The following TMEM45A variants were observed in gnomAD, a reference collection of about 807,000 sequenced individuals.
TMEM45A encodes DNA polymerase-transactivated protein 4.
A neutral mutation model predicts 32.0 loss-of-function variants in TMEM45A; 25 were observed. The ratio of observed to expected loss-of-function variants is 0.78; its 90% CI spans 0.57 to 1.09. The LOEUF is 1.09. Among genes scored for constraint, TMEM45A ranks in the 50% least tolerant of loss-of-function variants. The pLI, the probability that TMEM45A is intolerant of heterozygous loss-of-function variation, is 0.00. For missense variants in TMEM45A, 302 were observed against 325.0 expected, an observed-to-expected ratio of 0.93 and a Z score of 0.54; for synonymous variants, 122 against 114.8, an observed-to-expected ratio of 1.06 and a Z score of -0.40.
intron 1 of TMEM45A, among the ~76,000 whole-genome samples, chr3:100,532,969 AC>A (rs751929849): frequency 2.0e-5 from 3 of 152,180 alleles, no homozygotes; most frequent in Admixed American, 1.3e-4. Flanking sequence ...TTCTGTGACA[AC>A]ACTATTGTGA....
intron 1 of TMEM45A, chr3:100,519,551 A>G: frequency 6.4e-7 from 1 of 1,550,948 alleles, no homozygotes; most frequent in East Asian, 2.4e-5. Context: ...TGCCTGATCT[A>G]CTGAGACCAA....
chr3:100,503,064 TCTCCTC>T (rs897806635), intron 1 of TMEM45A, among the ~76,000 whole-genome samples: 4 of 150,688 alleles, frequency 2.7e-5, no homozygotes, highest in African/African-American at 9.8e-5. Flanking sequence ...CTCTCTTTCT[TCTCCTC>T]CTCCTCCTCC....
intron 1 of TMEM45A, among the ~76,000 whole-genome samples, chr3:100,525,658 C>T (rs1293124250): frequency 1.3e-5 from 2 of 152,144 alleles, no homozygotes; most frequent in Non-Finnish European, 2.9e-5. Flanking sequence ...GAGTTTCCAG[C>T]CAAAAGTGGA....
chr3:100,557,031 C>A, intron 3 of TMEM45A, 59 bp downstream of exon 3: 1 of 1,533,178 alleles, frequency 6.5e-7, no homozygotes, highest in South Asian at 1.1e-5. Flanking sequence ...TTATGTAGCC[C>A]TTCATATTAA....
At chr3:100,571,945 C>G (rs932614088) in intron 5 of TMEM45A, 1 of 152,204 alleles carries the variant, frequency 6.6e-6, no homozygotes, top group African/African-American at 2.4e-5. Context: ...TTTTTTATGG[C>G]TGCATAGTAT....
intron 1 of TMEM45A, among the ~76,000 whole-genome samples, chr3:100,549,649 T>C (rs1288472368): frequency 6.6e-6 from 1 of 152,194 alleles, no homozygotes; most frequent in East Asian, 1.9e-4. Flanking sequence ...GCACATTGGT[T>C]TAATCTCAAA....
chr3:100,510,155 C>G (rs1708136352), intron 1 of TMEM45A, among the ~76,000 whole-genome samples: 1 of 152,242 alleles, frequency 6.6e-6, no homozygotes, highest in South Asian at 2.1e-4. Flanking sequence ...TAGGCTCCAC[C>G]TCTGGGGGCA....
At chr3:100,567,322 A>G (rs551995381) in intron 4 of TMEM45A, among the ~76,000 whole-genome samples, 2 of 152,076 alleles carry the variant, frequency 1.3e-5, no homozygotes, top group South Asian at 4.1e-4. Context: ...CCTCAGACAT[A>G]TGAGTTTATT....
chr3:100,574,907 A>T (rs1025978583), intron 5 of TMEM45A, among the ~76,000 whole-genome samples: 1 of 152,214 alleles, frequency 6.6e-6, no homozygotes, highest in Non-Finnish European at 1.5e-5. Flanking sequence ...ACCAAGGGTT[A>T]AATTTTCTGA....
intron 1 of TMEM45A, among the ~76,000 whole-genome samples, chr3:100,525,835 A>C (rs537879329): frequency 1.8e-4 from 27 of 152,312 alleles, no homozygotes; most frequent in African/African-American, 6.3e-4. Flanking sequence ...TCTAGGCTAC[A>C]GGGATGCGAC....
intron 1 of TMEM45A, among the ~76,000 whole-genome samples, chr3:100,532,731 T>C (rs1705668331): frequency 6.6e-6 from 1 of 152,154 alleles, no homozygotes; most frequent in Non-Finnish European, 1.5e-5. Context: ...GTTTAGAGAT[T>C]GACAGGCCTG....
chr3:100,552,669 C>T (rs764619461), intron 1 of TMEM45A, among the ~76,000 whole-genome samples: 1 of 152,128 alleles, frequency 6.6e-6, no homozygotes, highest in Non-Finnish European at 1.5e-5. Flanking sequence ...ATGATTAGTT[C>T]AGTTTTGGGG....
chr3:100,564,436 T>G lies in TMEM45A; in HGVS notation c.589-4386T>G, dbSNP rs78114165. On this transcript the variant is annotated intron_variant, in intron 4 of 5. Transcript: ENST00000323523. ...AAACTTTTGTGTAATGTTTCCTAAT[T>G]TTTTAAGTGTTGGCAACTAAAGCAA... Among the ~76,000 whole-genome samples the G allele has an allele frequency of 3.9e-3, 590 of 152,274 alleles. 5 individuals carry two copies. The highest frequency in any genetic ancestry group is 0.014 in the African/African-American group (573 of 41,558).
At position 100,577,005 on chromosome 3, in the gene TMEM45A, A is replaced by C. The variant is rs1706704443; in HGVS notation, c.815A>C (p.Glu272Ala). 6.2e-7 allele frequency: 1 copy of C among 1,612,924 alleles called. No homozygotes were observed. The highest frequency in any genetic ancestry group is 1.3e-5 in the African/African-American group (1 of 74,932). Residue 272 changes from glutamate to alanine, a missense_variant, in exon 6 of 6, where the codon GAA becomes GCA. Coordinates refer to ENST00000323523, the MANE Select transcript of TMEM45A (RefSeq NM_018004.3). ...AATGCTGAACGAGAACAAGAATCAG[A>C]AGAAGAAATGTGACTTTGATGAGCT... The part of the protein sequence containing the change: ...LKNAEREQES[E>A]EEM
chr3:100,557,776 T>C (rs1706252764), intron 3 of TMEM45A, among the ~76,000 whole-genome samples: 2 of 152,194 alleles, frequency 1.3e-5, no homozygotes, highest in South Asian at 4.1e-4. Flanking sequence ...CGTATTTTTG[T>C]ATCAATCTTT....
At chr3:100,526,377 G>C (rs1406905234) in intron 1 of TMEM45A, among the ~76,000 whole-genome samples, 1 of 151,972 alleles carries the variant, frequency 6.6e-6, no homozygotes, top group Non-Finnish European at 1.5e-5. Flanking sequence ...TTTTCTTCTG[G>C]GCCAGGCATA....
At chr3:100,550,619 C>G (rs1405011526) in intron 1 of TMEM45A, among the ~76,000 whole-genome samples, 1 of 152,196 alleles carries the variant, frequency 6.6e-6, no homozygotes. Context: ...CATTGCATCT[C>G]TTTTTCTGGG....
intron 1 of TMEM45A, among the ~76,000 whole-genome samples, chr3:100,510,603 A>G (rs1708144701): frequency 6.6e-6 from 1 of 152,376 alleles, no homozygotes; most frequent in Middle Eastern, 3.4e-3. Context: ...CTCACCAGCA[A>G]TGGAACAAAG....
At chr3:100,557,556 GTTTT>G (rs5851211) in intron 3 of TMEM45A, among the ~76,000 whole-genome samples, 3 of 150,054 alleles carry the variant, frequency 2.0e-5, no homozygotes, top group Admixed American at 6.6e-5. Context: ...GCATTTAATG[GTTTT>G]TTTTTTTTCA....
Sources: allele counts gnomAD v4.1 joint callset (sites outside exome capture counted in the v4.1 genomes callset), GRCh38; gene constraint gnomAD v4.1.1; transcripts MANE v1.5; gene names NCBI Gene and HGNC (gene_info 2026-07-23, HGNC 2026-07-21).